The following KCNMA1 variants were observed in gnomAD, a reference collection of about 807,000 sequenced individuals.
The protein encoded by KCNMA1 is potassium calcium-activated channel subfamily M alpha 1.
Under a neutral mutation model 140.0 loss-of-function variants are expected in KCNMA1, and 29 were observed. The observed-to-expected ratio is 0.21, with a 90% CI of 0.15 to 0.28. KCNMA1 has a LOEUF of 0.28. Ranked by LOEUF, KCNMA1 falls within the 10% of genes least tolerant of loss-of-function variation. The pLI is 1.00. For synonymous variants in KCNMA1, 612 were observed against 611.9 expected (o/e 1.00, Z 0.00); for missense variants, 880 against 1,602.2 (o/e 0.55, Z 7.70).
At chr10:77,000,322 A>G (rs1463852614) in intron 19 of KCNMA1, among the ~76,000 whole-genome samples, 1 of 152,242 alleles carries the variant, frequency 6.6e-6, no homozygotes, top group African/African-American at 2.4e-5. Context: ...AAAGTCCTCC[A>G]GTGGAACCAC....
intron 19 of KCNMA1, among the ~76,000 whole-genome samples, chr10:76,984,843 G>A (rs1191488362): frequency 6.6e-6 from 1 of 152,138 alleles, no homozygotes; most frequent in Non-Finnish European, 1.5e-5. Context: ...GGGCATTGTC[G>A]TACTGGAAGT....
chr10:77,168,762 G>T (rs1259483689), intron 5 of KCNMA1, among the ~76,000 whole-genome samples: 1 of 152,122 alleles, frequency 6.6e-6, no homozygotes, highest in East Asian at 1.9e-4. Flanking sequence ...CATCAAAATT[G>T]ATTAGTAGCT....
intron 1 of KCNMA1, among the ~76,000 whole-genome samples, chr10:77,626,222 T>A (rs975663220): frequency 6.6e-6 from 1 of 152,170 alleles, no homozygotes; most frequent in African/African-American, 2.4e-5. Flanking sequence ...ATTGGGTTTT[T>A]TTTTTTTAGA....
Position 77,449,082 on chromosome 10 carries a change from G to A in KCNMA1, c.379-45059C>T, listed in dbSNP as rs202073785. Among the ~76,000 whole-genome samples the A allele has an allele frequency of 2.6e-3, 319 of 121,604 alleles. 6 individuals are homozygous for A. In the East Asian group the frequency reaches 0.06, roughly 23 times the overall value. The allele number at this position is 121,604 out of a possible 152,430, so 79.8% of individuals were successfully genotyped here. ...AGCCTGGGCAACAGAGCAAGACTCC[G>A]AAAAAAAAAAAAAATTACAAACAGC... On this transcript the variant is annotated intron_variant, in intron 1 of 27. Transcript: ENST00000286628.
chr10:77,166,847 A>T (rs1738545310), intron 5 of KCNMA1, among the ~76,000 whole-genome samples: 1 of 152,214 alleles, frequency 6.6e-6, no homozygotes, highest in Non-Finnish European at 1.5e-5. Context: ...TACATAGTAG[A>T]TGGATGTATT....
rs974311520 is a variant in KCNMA1, at chr10:77,480,613, G to A, written c.379-76590C>T. Reference sequence around the variant, plus strand: ...AGTCTAAGCTTGCCCAGAAGGTGCTGCACATTTGGAGACCAGGCTATGGCT... The same window carrying A: ...AGTCTAAGCTTGCCCAGAAGGTGCTACACATTTGGAGACCAGGCTATGGCT... On this transcript the variant is annotated intron_variant, in intron 1 of 27. Transcript: ENST00000286628. 2.0e-5 allele frequency among the ~76,000 whole-genome samples: 3 copies of A among 152,124 alleles called. No homozygotes were observed. In the East Asian group the frequency reaches 5.8e-4, roughly 29 times the overall value.
chr10:77,621,166 C>T (rs1163606135), intron 1 of KCNMA1, among the ~76,000 whole-genome samples: 1 of 152,182 alleles, frequency 6.6e-6, no homozygotes, highest in Non-Finnish European at 1.5e-5. Context: ...GGTGGAGAGG[C>T]ACAAGGAATT....
chr10:77,030,478 G>A (rs1301321944), intron 15 of KCNMA1, among the ~76,000 whole-genome samples: 1 of 152,196 alleles, frequency 6.6e-6, no homozygotes, highest in African/African-American at 2.4e-5. Context: ...GGAGAAGGCT[G>A]ATCTTAAACT....
chr10:77,403,455 C>A (rs540120664), intron 2 of KCNMA1, among the ~76,000 whole-genome samples: 1 of 152,210 alleles, frequency 6.6e-6, no homozygotes, highest in East Asian at 1.9e-4. Context: ...GAAGAACATC[C>A]CCCGAAGACC....
At chr10:77,179,423 T>G (rs2098784069) in intron 5 of KCNMA1, among the ~76,000 whole-genome samples, 1 of 152,136 alleles carries the variant, frequency 6.6e-6, no homozygotes, top group South Asian at 2.1e-4. Flanking sequence ...TGCATTCTTC[T>G]GGTCCTCCTG....
At chr10:77,165,382 T>C (rs2098629233) in intron 5 of KCNMA1, among the ~76,000 whole-genome samples, 2 of 152,270 alleles carry the variant, frequency 1.3e-5, no homozygotes, top group African/African-American at 2.4e-5. Flanking sequence ...TCTTTCTTTT[T>C]AGGTCTGAGA....
At chr10:77,284,066 G>T (rs1210061007) in intron 2 of KCNMA1, among the ~76,000 whole-genome samples, 4 of 152,180 alleles carry the variant, frequency 2.6e-5, no homozygotes, top group Non-Finnish European at 5.9e-5. Flanking sequence ...CCAGTGGCAA[G>T]AAAGACTATG....
chr10:77,044,356 A>C (rs1463094067), intron 14 of KCNMA1, among the ~76,000 whole-genome samples: 1 of 152,156 alleles, frequency 6.6e-6, no homozygotes, highest in African/African-American at 2.4e-5. Flanking sequence ...GAAAAAAAAA[A>C]CAGTGTAAAA....
chr10:77,470,545 G>A (rs979317415), intron 1 of KCNMA1, among the ~76,000 whole-genome samples: 9 of 152,118 alleles, frequency 5.9e-5, no homozygotes, highest in African/African-American at 2.2e-4. Flanking sequence ...CAGCGCCAGC[G>A]ACCACAAAGG....
intron 1 of KCNMA1, among the ~76,000 whole-genome samples, chr10:77,506,596 AGTGT>A (rs796386759): frequency 4.8e-5 from 4 of 83,562 alleles, no homozygotes; most frequent in Non-Finnish European, 6.1e-5. Context: ...AGAGAGAGAG[AGTGT>A]GTGTGTGTGT....
chr10:77,580,296 G>A lies in KCNMA1; in HGVS notation c.378+56969C>T, dbSNP rs191193981. ...CTTGGGAGGCTGAGGCAGAAGAATG[G>A]TGTGAACCCAGGAGGTGGAGCTTGC... On this transcript the variant is annotated intron_variant, in intron 1 of 27. Transcript: ENST00000286628. Among the ~76,000 whole-genome samples the A allele has an allele frequency of 8.1e-3, 1,232 of 151,590 alleles. 16 individuals carry two copies. The highest frequency in any genetic ancestry group is 0.027 in the African/African-American group (1,102 of 41,248).
chr10:77,221,675 G>A (rs779490138), intron 3 of KCNMA1, among the ~76,000 whole-genome samples: 7 of 152,000 alleles, frequency 4.6e-5, no homozygotes, highest in South Asian at 2.1e-4. Context: ...CTATATACCC[G>A]CAAAAATTAA....
chr10:76,917,667 C>T (rs980295990), intron 23 of KCNMA1, among the ~76,000 whole-genome samples: 3 of 152,060 alleles, frequency 2.0e-5, no homozygotes, highest in African/African-American at 7.2e-5. Context: ...TGCATGACTC[C>T]CCAAAAAAGT....
intron 14 of KCNMA1, among the ~76,000 whole-genome samples, chr10:77,051,478 C>T (rs551770269): frequency 6.6e-6 from 1 of 152,166 alleles, no homozygotes; most frequent in Non-Finnish European, 1.5e-5. Context: ...AATCTCTTGT[C>T]AGTTAGAGAA....
Sources: allele counts gnomAD v4.1 joint callset (sites outside exome capture counted in the v4.1 genomes callset), GRCh38; gene constraint gnomAD v4.1.1; transcripts MANE v1.5; gene names NCBI Gene and HGNC (gene_info 2026-07-23, HGNC 2026-07-21).